CSMD1: variants seen among roughly 807,000 people sequenced by gnomAD.
The protein encoded by CSMD1 is CUB and Sushi multiple domains 1, also known as CUB and sushi domain-containing protein 1.
A neutral mutation model predicts 417.5 loss-of-function variants in CSMD1; 213 were observed. That is an observed-to-expected ratio of 0.51 (90% CI 0.46 to 0.57). The LOEUF is 0.57. Ranked by LOEUF, CSMD1 falls within the 20% of genes least tolerant of loss-of-function variation. The probability of loss-of-function intolerance (pLI) is 0.00; values close to 1 mark genes in which losing one functional copy is unlikely to be tolerated. For synonymous variants in CSMD1, 2,862 were observed against 1,736.8 expected (o/e 1.65, Z -16.11); for missense variants, 6,923 against 4,529.7 (o/e 1.53, Z -15.17).
chr8:4,452,670 C>G (rs1799220788), intron 2 of CSMD1, among the ~76,000 whole-genome samples: 1 of 152,004 alleles, frequency 6.6e-6, no homozygotes, highest in Non-Finnish European at 1.5e-5. Flanking sequence ...TGCATATTTT[C>G]TCCAGAAATA....
chr8:4,318,553 G>A (rs1030027809), intron 3 of CSMD1, among the ~76,000 whole-genome samples: 2 of 152,060 alleles, frequency 1.3e-5, no homozygotes, highest in Admixed American at 1.3e-4. Flanking sequence ...ACGTTAACAA[G>A]AGCTTTTACA....
At chr8:3,786,504 G>C (rs1028839932) in intron 5 of CSMD1, among the ~76,000 whole-genome samples, 1 of 152,184 alleles carries the variant, frequency 6.6e-6, no homozygotes, top group Non-Finnish European at 1.5e-5. Context: ...GACAACCTAG[G>C]AGTGGGTGAG....
chr8:4,812,682 A>T (rs546680425), intron 1 of CSMD1, among the ~76,000 whole-genome samples: 1 of 152,332 alleles, frequency 6.6e-6, no homozygotes, highest in East Asian at 1.9e-4. Flanking sequence ...CCATTAAGCA[A>T]ATAAAATATG....
intron 3 of CSMD1, among the ~76,000 whole-genome samples, chr8:4,293,968 G>A (rs1488361502): frequency 1.3e-5 from 2 of 151,846 alleles, no homozygotes; most frequent in Admixed American, 6.6e-5. Context: ...TCTAAAGCTG[G>A]TGCTTTTTGA....
At chr8:4,341,109 C>T (rs1800452647) in intron 3 of CSMD1, among the ~76,000 whole-genome samples, 1 of 152,058 alleles carries the variant, frequency 6.6e-6, no homozygotes, top group South Asian at 2.1e-4. Flanking sequence ...TATCTCATTT[C>T]CAATACATCG....
At chr8:4,772,904 G>T (rs866014466) in intron 1 of CSMD1, among the ~76,000 whole-genome samples, 2 of 152,136 alleles carry the variant, frequency 1.3e-5, no homozygotes, top group East Asian at 3.9e-4. Flanking sequence ...AATAACGTAA[G>T]AAATTGGGTT....
intron 26 of CSMD1, among the ~76,000 whole-genome samples, chr8:3,277,677 G>C (rs1350260127): frequency 6.6e-6 from 1 of 152,192 alleles, no homozygotes; most frequent in Admixed American, 6.5e-5. Flanking sequence ...TGAGTTTCAG[G>C]TGTTGAGTTG....
intron 5 of CSMD1, among the ~76,000 whole-genome samples, chr8:3,922,736 T>C (rs1407892523): frequency 6.6e-6 from 1 of 152,210 alleles, no homozygotes; most frequent in East Asian, 1.9e-4. Context: ...ATTTTGTATT[T>C]ATTAACCAAT....
intron 6 of CSMD1, among the ~76,000 whole-genome samples, chr8:3,716,471 C>T (rs1377172041): frequency 6.6e-6 from 1 of 152,140 alleles, no homozygotes; most frequent in Admixed American, 6.5e-5. Context: ...TATAGAGTAA[C>T]TTTGTGATGC....
At chr8:3,951,984 A>G (rs1341033154) in intron 5 of CSMD1, among the ~76,000 whole-genome samples, 1 of 152,224 alleles carries the variant, frequency 6.6e-6, no homozygotes, top group African/African-American at 2.4e-5. Context: ...ATTTTCCCTG[A>G]TTACACTTGG....
intron 5 of CSMD1, among the ~76,000 whole-genome samples, chr8:3,788,933 T>A (rs1418240538): frequency 2.6e-5 from 4 of 152,192 alleles, no homozygotes; most frequent in Non-Finnish European, 4.4e-5. Context: ...GGGTACGTAT[T>A]TCCTAGACAG....
At chr8:3,427,699 T>G (rs182300393) in intron 12 of CSMD1, among the ~76,000 whole-genome samples, 10 of 152,328 alleles carry the variant, frequency 6.6e-5, no homozygotes, top group African/African-American at 2.2e-4. Context: ...TTATCAACTT[T>G]TTTTCAAATT....
chr8:3,141,082 G>A (rs1294735124), intron 41 of CSMD1, among the ~76,000 whole-genome samples: 2 of 152,184 alleles, frequency 1.3e-5, no homozygotes, highest in Non-Finnish European at 2.9e-5. Flanking sequence ...CTGAAGGGAC[G>A]AGAGCTCAGA....
intron 3 of CSMD1, among the ~76,000 whole-genome samples, chr8:4,297,763 A>G (rs1276635067): frequency 6.6e-6 from 1 of 152,178 alleles, no homozygotes; most frequent in Non-Finnish European, 1.5e-5. Flanking sequence ...AAGAACCAAC[A>G]TCCTGTGAGA....
chr8:3,927,169 G>C (rs1007226254), intron 5 of CSMD1, among the ~76,000 whole-genome samples: 1 of 151,772 alleles, frequency 6.6e-6, no homozygotes, highest in South Asian at 2.1e-4. Flanking sequence ...AAGTTTTGAA[G>C]CTATAATTTA....
chr8:4,952,914 T>C (rs1242119254), intron 1 of CSMD1, among the ~76,000 whole-genome samples: 1 of 152,162 alleles, frequency 6.6e-6, no homozygotes, highest in Non-Finnish European at 1.5e-5. Context: ...TATACTGAAC[T>C]GATTCACTGC....
intron 1 of CSMD1, among the ~76,000 whole-genome samples, chr8:4,726,621 C>T (rs1809473467): frequency 6.6e-6 from 1 of 152,144 alleles, no homozygotes; most frequent in South Asian, 2.1e-4. Context: ...AAGATAGAAA[C>T]CCTGAATCAT....
chr8:3,365,514 A>T (rs114894213), intron 20 of CSMD1, among the ~76,000 whole-genome samples: 4,594 of 152,326 alleles, frequency 0.03, 94 homozygotes, highest in East Asian at 0.08. Flanking sequence ...CCATTTATAC[A>T]TGAATTGTTT....
At chr8:4,302,537 G>A (rs934583676) in intron 3 of CSMD1, among the ~76,000 whole-genome samples, 1 of 152,082 alleles carries the variant, frequency 6.6e-6, no homozygotes, top group Non-Finnish European at 1.5e-5. Flanking sequence ...CAGATTAAGA[G>A]ACCGTCTTGA....
Sources: allele counts gnomAD v4.1 joint callset (sites outside exome capture counted in the v4.1 genomes callset), GRCh38; gene constraint gnomAD v4.1.1; transcripts MANE v1.5; gene names NCBI Gene and HGNC (gene_info 2026-07-23, HGNC 2026-07-21).